Variants in GNAI1 observed in about 807,000 individuals in gnomAD.
The protein encoded by GNAI1 is G protein subunit alpha i1, also known as guanine nucleotide-binding protein G(i) subunit alpha-1.
In GNAI1, 11 loss-of-function variants were observed where a neutral mutation model predicts 38.9. The ratio of observed to expected loss-of-function variants is 0.28; its 90% CI spans 0.18 to 0.47. The LOEUF (loss-of-function observed/expected upper bound fraction) is 0.47, where lower values mean the gene tolerates loss of function less well. Ranked by LOEUF, GNAI1 falls within the 20% of genes least tolerant of loss-of-function variation. GNAI1 has a pLI of 0.99. For synonymous variants in GNAI1, 166 were observed against 145.1 expected, an observed-to-expected ratio of 1.14 and a Z score of -1.04; for missense variants, 317 against 436.9, an observed-to-expected ratio of 0.73 and a Z score of 2.45.
intron 5 of GNAI1, among the ~76,000 whole-genome samples, chr7:80,208,831 C>A (rs1461006178): frequency 6.6e-6 from 1 of 152,176 alleles, no homozygotes; most frequent in Non-Finnish European, 1.5e-5. Context: ...GAAGTTGCAC[C>A]TTCCACCCAG....
At chr7:80,206,732 C>CA (rs1256953841) in intron 5 of GNAI1, among the ~76,000 whole-genome samples, 2 of 151,980 alleles carry the variant, frequency 1.3e-5, no homozygotes, top group Admixed American at 6.6e-5. Context: ...CAAGACCCCC[C>CA]ATATATGCTT....
intron 3 of GNAI1, 127 bp from the exon 4 acceptor site, chr7:80,199,098 G>A: frequency 1.6e-6 from 1 of 614,226 alleles, no homozygotes; most frequent in African/African-American, 1.8e-5. Flanking sequence ...GAAAAGTAAT[G>A]ACGTGTTAAT....
chr7:80,197,925 A>T (rs1406851883), intron 3 of GNAI1, among the ~76,000 whole-genome samples: 1 of 152,106 alleles, frequency 6.6e-6, no homozygotes, highest in Non-Finnish European at 1.5e-5. Flanking sequence ...GTGTGCCATC[A>T]CTTTATAAGC....
chr7:80,207,238 G>A (rs992865307), intron 5 of GNAI1, among the ~76,000 whole-genome samples: 5 of 152,012 alleles, frequency 3.3e-5, no homozygotes, highest in Non-Finnish European at 5.9e-5. Context: ...ATATTAAATC[G>A]ATTATTTGGT....
At chr7:80,217,154 C>A in intron 7 of GNAI1, 149 bp from the exon 8 acceptor site, 1 of 286,718 alleles carries the variant, frequency 3.5e-6, no homozygotes, top group South Asian at 1.6e-4. Flanking sequence ...ATAGTGTCTC[C>A]CATTCTAGAA....
At chr7:80,192,847 A>G (rs906746426) in intron 3 of GNAI1, among the ~76,000 whole-genome samples, 2 of 151,798 alleles carry the variant, frequency 1.3e-5, no homozygotes, top group Non-Finnish European at 2.9e-5. Flanking sequence ...GGTGTCCACC[A>G]CCACCACACC....
chr7:80,137,430 C>T (rs1245325918), intron 1 of GNAI1, among the ~76,000 whole-genome samples: 2 of 145,796 alleles, frequency 1.4e-5, no homozygotes, highest in African/African-American at 5.1e-5. Flanking sequence ...AAGCGATTCT[C>T]CAGCCTCAGC....
intron 5 of GNAI1, 115 bp downstream of exon 5, chr7:80,203,947 A>G: frequency 1.6e-6 from 1 of 610,206 alleles, no homozygotes; most frequent in Non-Finnish European, 2.6e-6. Context: ...ACAGTTGGAA[A>G]AAAACTTTCT....
chr7:80,216,113 G>A (rs1055939886), intron 7 of GNAI1, among the ~76,000 whole-genome samples: 1 of 152,006 alleles, frequency 6.6e-6, no homozygotes, highest in African/African-American at 2.4e-5. Flanking sequence ...TTTTTTTATT[G>A]AAGCATTACA....
intron 1 of GNAI1, among the ~76,000 whole-genome samples, chr7:80,185,262 TC>T (rs1192853630): frequency 6.6e-6 from 1 of 152,164 alleles, no homozygotes; most frequent in African/African-American, 2.4e-5. Context: ...TTGACCCACT[TC>T]CTTGTAACTG....
chr7:80,198,762 AACTATAAGGT>A (rs1276808307), intron 3 of GNAI1, among the ~76,000 whole-genome samples: 2 of 152,192 alleles, frequency 1.3e-5, no homozygotes, highest in African/African-American at 4.8e-5. Flanking sequence ...CTTACTTTGC[AACTATAAGGT>A]ATATCAGAAA....
intron 1 of GNAI1, among the ~76,000 whole-genome samples, chr7:80,150,681 T>TTA (rs1049914414): frequency 6.6e-6 from 1 of 152,226 alleles, no homozygotes; most frequent in African/African-American, 2.4e-5. Context: ...AGATGTTTAT[T>TTA]ATCTTATTTT....
intron 1 of GNAI1, among the ~76,000 whole-genome samples, chr7:80,163,462 C>T (rs940356280): frequency 1.3e-5 from 2 of 152,166 alleles, no homozygotes; most frequent in African/African-American, 4.8e-5. Flanking sequence ...GAACTCTTCA[C>T]TGTTGGCACA....
intron 5 of GNAI1, among the ~76,000 whole-genome samples, chr7:80,207,034 G>A (rs2095224339): frequency 6.6e-6 from 1 of 152,018 alleles, no homozygotes; most frequent in Non-Finnish European, 1.5e-5. Flanking sequence ...GAAAATGTGT[G>A]GAGTTGGAGT....
rs1789088596 is a variant in GNAI1, at chr7:80,222,034, T to C, written c.*4541T>C. Among the ~76,000 whole-genome samples the C allele has an allele frequency of 6.6e-6, 1 of 152,214 alleles. No homozygotes were observed. The highest frequency in any genetic ancestry group is 2.1e-4 in the South Asian group (1 of 4,836). ...CGTTTCACAATCCCACTGGCCTGTT[T>C]CCCAGGCATTTTTTTAAACCAATTA... On this transcript the variant is annotated 3_prime_UTR_variant, in exon 8 of 8. Transcript: ENST00000649796.
chr7:80,163,089 G>A (rs561644965), intron 1 of GNAI1, among the ~76,000 whole-genome samples: 11 of 152,240 alleles, frequency 7.2e-5, no homozygotes, highest in African/African-American at 2.6e-4. Flanking sequence ...ACACCCCTGG[G>A]TTTCATCTGT....
chr7:80,162,134 T>C (rs1486656725), intron 1 of GNAI1, among the ~76,000 whole-genome samples: 5 of 152,144 alleles, frequency 3.3e-5, no homozygotes, highest in African/African-American at 4.8e-5. Context: ...CCTTGAGTTC[T>C]CTTTATCATG....
chr7:80,213,946 G>A (rs1466265741), intron 7 of GNAI1, among the ~76,000 whole-genome samples: 1 of 151,966 alleles, frequency 6.6e-6, no homozygotes, highest in African/African-American at 2.4e-5. Context: ...CCATTTTACA[G>A]GAAATGTTAA....
In GNAI1 at chr7:80,182,550, A is replaced by T. The variant is rs577964154; in HGVS notation, c.119-6401A>T. Among the ~76,000 whole-genome samples, 22 of 152,322 alleles carry T rather than the reference A, an allele frequency of 1.4e-4. No individual in the cohort carries two copies. In the South Asian group the frequency reaches 4.4e-3, roughly 30 times the overall value. ...CATGTATGTGTAAATATTTATTTAA[A>T]TATAAGTTCAGAGCTTCTTAGAACT... is the stretch of plus-strand genomic sequence containing the variant. On this transcript the variant is annotated intron_variant, in intron 1 of 7. Transcript: ENST00000649796.
Sources: gnomAD v4.1 joint callset for allele counts (sites outside exome capture counted in the v4.1 genomes callset) on GRCh38, gnomAD v4.1.1 for gene constraint, MANE v1.5 for transcripts, NCBI Gene and HGNC (gene_info 2026-07-23, HGNC 2026-07-21) for gene names.